ATP7B: variants seen among roughly 807,000 people sequenced by gnomAD.
ATP7B encodes ATPase copper transporting beta.
Under a neutral mutation model 118.9 loss-of-function variants are expected in ATP7B, and 113 were observed. The ratio of observed to expected loss-of-function variants is 0.95; its 90% CI spans 0.82 to 1.11. ATP7B has a LOEUF of 1.11. Ranked by LOEUF, ATP7B falls within the 50% of genes most tolerant of loss-of-function variation. ATP7B has a pLI of 0.00. For synonymous variants in ATP7B, 777 were observed against 727.4 expected (o/e 1.07, Z -1.10); for missense variants, 1,867 against 1,871.4 (o/e 1.00, Z 0.04).
chr13:51,982,283 G>A (rs1952459133), intron 1 of ATP7B, among the ~76,000 whole-genome samples: 1 of 152,120 alleles, frequency 6.6e-6, no homozygotes, highest in Non-Finnish European at 1.5e-5. Context: ...TTAAATATCT[G>A]TCTTTCCTAC....
At chr13:51,989,643 A>C (rs943757710) in intron 1 of ATP7B, among the ~76,000 whole-genome samples, 1 of 152,230 alleles carries the variant, frequency 6.6e-6, no homozygotes, top group South Asian at 2.1e-4. Flanking sequence ...GAAATTCACA[A>C]ACTATAAGAC....
chr13:51,966,699 C>G lies in ATP7B; in HGVS notation c.1708-1666G>C, dbSNP rs374216888. 3.1e-5 allele frequency: 46 copies of G among 1,494,088 alleles called. 1 individual carries two copies. The East Asian group carries it at 9.2e-4, about 30-fold the overall frequency. 92.6% of individuals were successfully genotyped at this position (1,494,088 alleles called of 1,614,324 possible). A position where few individuals can be genotyped will look rare whatever the true frequency, so the allele number is the denominator to read the frequency against. On this transcript the variant is annotated intron_variant, in intron 4 of 20. Transcript: ENST00000242839. ...CTACAGACACAGCATGCTGCCATGC[C>G]GACGTAGACCCTGCTCTGCACGCCA... is the stretch of plus-strand genomic sequence containing the variant.
intron 1 of ATP7B, among the ~76,000 whole-genome samples, chr13:51,995,569 G>A (rs1216606045): frequency 6.6e-6 from 1 of 152,102 alleles, no homozygotes; most frequent in African/African-American, 2.4e-5. Context: ...TCACGGCCAC[G>A]GCTTCCCTCC....
At chr13:51,962,009 A>C (rs532473801) in intron 5 of ATP7B, 96 bp from the exon 6 acceptor site, 4 of 1,062,308 alleles carry the variant, frequency 3.8e-6, no homozygotes, top group Non-Finnish European at 5.7e-6. Flanking sequence ...GGAAATTAGA[A>C]AGTGAATCTA....
intron 1 of ATP7B, 172 bp from the exon 2 acceptor site, chr13:51,975,340 T>C: frequency 1.1e-6 from 1 of 903,240 alleles, no homozygotes; most frequent in Non-Finnish European, 1.8e-6. Flanking sequence ...ATCTACAAAA[T>C]GAAAGAGCTC....
At chr13:51,955,730 C>T (rs372955211) in intron 9 of ATP7B, among the ~76,000 whole-genome samples, 3 of 152,128 alleles carry the variant, frequency 2.0e-5, no homozygotes, top group African/African-American at 7.2e-5. Context: ...CGGCTTGGCT[C>T]CCTGTCTGAA....
intron 1 of ATP7B, 111 bp downstream of exon 1, chr13:52,011,176 G>C: frequency 6.6e-7 from 1 of 1,507,804 alleles, no homozygotes. Context: ...CTGGGGTCTG[G>C]CTCGGCCTTC....
In ATP7B at chr13:51,958,514, C is replaced by G. The variant is rs1555291265; in HGVS notation, c.2152G>C (p.Ala718Pro). ...GACCTGTGTCTCAGAGATTTGTAGG[C>G]CTGAACGTAGAAGTACCACCCACCG... ...LLGGWYFYVQ[A>P]YKSLRHRSAN... is the part of the protein sequence containing the mutation. The change falls in exon 8 of 21, where the codon GCC (alanine) becomes CCC (proline). Residue 718 changes from alanine (A) to proline (P), a missense_variant. Physicochemically the swap from Ala to Pro is conservative, Grantham distance 27. Coordinates refer to ENST00000242839, the MANE Select transcript of ATP7B (RefSeq NM_000053.4). The G allele has an allele frequency of 6.2e-7, 1 of 1,614,178 alleles. No homozygotes were observed. The highest frequency in any genetic ancestry group is 8.5e-7 in the Non-Finnish European group (1 of 1,180,026).
intron 9 of ATP7B, among the ~76,000 whole-genome samples, chr13:51,954,388 G>C (rs1201602533): frequency 3.3e-5 from 5 of 152,256 alleles, no homozygotes; most frequent in Non-Finnish European, 5.9e-5. Context: ...TTTCCAATAT[G>C]ATCAATTTGT....
rs141583134 is a variant in ATP7B at position 51,957,476 on chromosome 13, T to C, written c.2447+40A>G. 191 of 1,579,174 alleles carry C rather than the reference T, an allele frequency of 1.2e-4. 1 individual carries two copies. In the East Asian group the frequency reaches 4.0e-3, roughly 33 times the overall value. On this transcript the variant is annotated intron_variant, in intron 9 of 20. Coordinates refer to ENST00000242839, the MANE Select transcript of ATP7B (RefSeq NM_000053.4). Reference sequence around the variant, plus strand: ...ATCTGATGCAGCTCACACAGATTGATAGATACCAACCACAAAGACATTTGA... The same window carrying C: ...ATCTGATGCAGCTCACACAGATTGACAGATACCAACCACAAAGACATTTGA...
intron 1 of ATP7B, among the ~76,000 whole-genome samples, chr13:51,981,224 T>C (rs1267209837): frequency 2.0e-5 from 3 of 152,156 alleles, no homozygotes. Context: ...TTTTCAGCCA[T>C]GTTAATTATA....
chr13:52,010,993 C>T (rs1846649893), intron 1 of ATP7B, among the ~76,000 whole-genome samples: 1 of 152,238 alleles, frequency 6.6e-6, no homozygotes, highest in Non-Finnish European at 1.5e-5. Context: ...CGTTTTGAGC[C>T]ATTAGGGCTC....
intron 19 of ATP7B, among the ~76,000 whole-genome samples, chr13:51,936,846 T>A (rs1956995712): frequency 6.6e-6 from 1 of 152,200 alleles, no homozygotes; most frequent in South Asian, 2.1e-4. Context: ...TTTCTTTCCA[T>A]GATCATTTGT....
intron 1 of ATP7B, among the ~76,000 whole-genome samples, chr13:51,986,406 A>C (rs1952652141): frequency 6.6e-6 from 1 of 152,238 alleles, no homozygotes; most frequent in South Asian, 2.1e-4. Context: ...CAAGTTCTGA[A>C]ATTGAGGGAG....
chr13:51,949,374 G>A (rs189344172), intron 12 of ATP7B, among the ~76,000 whole-genome samples: 35 of 152,056 alleles, frequency 2.3e-4, no homozygotes, highest in Admixed American at 3.9e-4. Context: ...CCTCAAAAAG[G>A]ACCAATAATA....
chr13:51,949,471 A>G (rs1957859300), intron 12 of ATP7B, among the ~76,000 whole-genome samples, 191 bp downstream of exon 12: 1 of 152,254 alleles, frequency 6.6e-6, no homozygotes, highest in Admixed American at 6.5e-5. Flanking sequence ...GAGATCTTTA[A>G]TAGAAACCTG....
chr13:51,949,968 C>T (rs1025339451), intron 11 of ATP7B, 39 bp downstream of exon 11: 24 of 1,613,874 alleles, frequency 1.5e-5, no homozygotes, highest in African/African-American at 5.3e-5. Context: ...ATTTCTAAAA[C>T]GAGAAAGATG....
intron 4 of ATP7B, 43 bp downstream of exon 4, chr13:51,968,401 C>T (rs1951672958): frequency 1.2e-6 from 2 of 1,614,018 alleles, no homozygotes; most frequent in Non-Finnish European, 8.5e-7. Context: ...AAAATGCAAA[C>T]TGTCAGAAGC....
chr13:51,938,212 C>A (rs191213298), intron 17 of ATP7B, among the ~76,000 whole-genome samples: 2 of 152,358 alleles, frequency 1.3e-5, no homozygotes, highest in Non-Finnish European at 2.9e-5. Flanking sequence ...CTGCTGCCTG[C>A]TCTGTCCTGG....
Sources: gnomAD v4.1 joint callset for allele counts (sites outside exome capture counted in the v4.1 genomes callset) on GRCh38, gnomAD v4.1.1 for gene constraint, MANE v1.5 for transcripts, NCBI Gene and HGNC (gene_info 2026-07-23, HGNC 2026-07-21) for gene names.